NAV2: variants seen among roughly 807,000 people sequenced by gnomAD.
NAV2 encodes the protein neuron navigator 2.
In NAV2, 54 loss-of-function variants were observed where a neutral mutation model predicts 223.2. That is an observed-to-expected ratio of 0.24 (90% CI 0.19 to 0.30). NAV2 has a LOEUF of 0.30. Among genes scored for constraint, NAV2 ranks in the 10% least tolerant of loss-of-function variants. The probability of loss-of-function intolerance (pLI) is 1.00; values close to 1 mark genes in which losing one functional copy is unlikely to be tolerated. For missense variants in NAV2, 2,806 were observed against 3,147.5 expected, an observed-to-expected ratio of 0.89 and a Z score of 2.60; for synonymous variants, 1,279 against 1,239.3, an observed-to-expected ratio of 1.03 and a Z score of -0.67.
chr11:19,511,251 G>C (rs1300106120), intron 1 of NAV2: 1 of 152,234 alleles, frequency 6.6e-6, no homozygotes, highest in Non-Finnish European at 1.5e-5. Flanking sequence ...GACCTGCCTT[G>C]TCATCCCACA....
intron 1 of NAV2, among the ~76,000 whole-genome samples, chr11:19,473,954 G>A (rs1310146546): frequency 5.3e-5 from 8 of 152,292 alleles, no homozygotes; most frequent in East Asian, 3.9e-4. Flanking sequence ...CTGAAGGGTC[G>A]TTCTAGCTCC....
intron 1 of NAV2, among the ~76,000 whole-genome samples, chr11:19,794,046 T>A (rs2057731179): frequency 6.6e-6 from 1 of 152,214 alleles, no homozygotes; most frequent in African/African-American, 2.4e-5. Flanking sequence ...TACTTGTTTA[T>A]CATCTGCCTC....
intron 6 of NAV2, among the ~76,000 whole-genome samples, chr11:19,926,943 G>T (rs187989455): frequency 1.6e-4 from 24 of 152,252 alleles, no homozygotes; most frequent in Non-Finnish European, 1.5e-5. Context: ...GAGACCTGGG[G>T]CCAGTGTCCG....
intron 1 of NAV2, among the ~76,000 whole-genome samples, chr11:19,445,368 A>T (rs990513030): frequency 6.6e-6 from 1 of 152,078 alleles, no homozygotes; most frequent in Admixed American, 6.5e-5. Flanking sequence ...GTGAAGAAGG[A>T]GCTGAGGGAG....
At position 19,713,029 on chromosome 11, in the gene NAV2, G is replaced by A. The variant is rs373010988; in HGVS notation, c.-667G>A. On this transcript the variant is annotated 5_prime_UTR_variant, in exon 1 of 38. Transcript: ENST00000349880. This position sits in a 1 kb window ranked among gnomAD's most constrained non-coding sequence, Gnocchi z 7.2. ...GCGCTAAGGTGCTCTCAGTCCGGGG[G>A]CCTTCTGGGCAGCGGTGACTGTCAC... 3.3e-5 allele frequency among the ~76,000 whole-genome samples: 5 copies of A among 152,172 alleles called. No homozygotes were observed. The highest frequency in any genetic ancestry group is 3.9e-4 in the East Asian group (2 of 5,172).
chr11:19,965,333 A>C (rs2048682881), intron 10 of NAV2, among the ~76,000 whole-genome samples: 1 of 152,104 alleles, frequency 6.6e-6, no homozygotes, highest in Non-Finnish European at 1.5e-5. Context: ...ACATGTCTAA[A>C]ATGTAATCGC....
chr11:19,351,587 C>T (rs1853315541), intron 1 of NAV2, among the ~76,000 whole-genome samples: 1 of 152,062 alleles, frequency 6.6e-6, no homozygotes. Context: ...CTGTGTCTAC[C>T]AGTTAAAGTT....
chr11:20,068,117 C>A (rs941128102), intron 20 of NAV2, 69 bp from the exon 21 acceptor site: 1 of 1,350,206 alleles, frequency 7.4e-7, no homozygotes, highest in Admixed American at 1.7e-5. Context: ...ATATGGTGTT[C>A]CCGATGGGCT....
At chr11:19,475,097 C>T (rs575101736) in intron 1 of NAV2, among the ~76,000 whole-genome samples, 6 of 152,324 alleles carry the variant, frequency 3.9e-5, no homozygotes, top group Admixed American at 3.9e-4. Context: ...GGAGGTCTCT[C>T]CACTCCCTGG....
At chr11:20,002,620 G>A (rs904602231) in intron 11 of NAV2, among the ~76,000 whole-genome samples, 1 of 152,156 alleles carries the variant, frequency 6.6e-6, no homozygotes, top group African/African-American at 2.4e-5. Context: ...GTGCGGGAGG[G>A]ATGGAGAAAA....
intron 1 of NAV2, among the ~76,000 whole-genome samples, chr11:19,624,902 C>A (rs1210395000): frequency 6.6e-6 from 1 of 152,148 alleles, no homozygotes; most frequent in African/African-American, 2.4e-5. Context: ...GGAACCAGAT[C>A]TTTCAAAATA....
rs951588262 is a variant in NAV2, at chr11:19,713,802, C to T, written c.107C>T (p.Pro36Leu). The T allele has an allele frequency of 2.5e-6, 4 of 1,612,948 alleles. No homozygotes were observed. Among genetic ancestry groups the T allele is most frequent in the South Asian group, 2.2e-5 (2 of 90,966 alleles). Reference protein sequence around the residue: ...HVPPARAGPQPCYLKLGSKVE... With the variant: ...HVPPARAGPQLCYLKLGSKVE... ...CCCCCGGCCCGGGCGGGCCCCCAGCCCTGCTACCTGAAGTTGGGAAGCAAG... is the reference window on the plus strand; with the variant it reads ...CCCCCGGCCCGGGCGGGCCCCCAGCTCTGCTACCTGAAGTTGGGAAGCAAG... The change falls in exon 1 of 38, where the codon CCC becomes CTC. Residue 36 changes from proline to leucine, a missense_variant. By Grantham distance (98) the Pro-to-Leu change is moderately conservative (BLOSUM62 -3). Around this residue, in one of 4 missense-constraint regions of NAV2, gnomAD observed 1,167 missense variants for 1,180.5 expected, o/e 0.99. Transcript: ENST00000349880. This position sits in a 1 kb window ranked among gnomAD's most constrained non-coding sequence, Gnocchi z 7.2.
intron 1 of NAV2, among the ~76,000 whole-genome samples, chr11:19,478,226 A>C (rs2042175624): frequency 6.6e-6 from 1 of 152,172 alleles, no homozygotes; most frequent in Non-Finnish European, 1.5e-5. Flanking sequence ...GGTGAGATTC[A>C]AATATGGGCA....
chr11:19,350,386 A>G (rs1853243064), upstream of NAV2, among the ~76,000 whole-genome samples: 1 of 152,192 alleles, frequency 6.6e-6, no homozygotes, highest in Admixed American at 6.5e-5. Context: ...TGGGTCTTAC[A>G]CCATGAAGGA....
chr11:19,828,246 T>A (rs1838057), intron 1 of NAV2, among the ~76,000 whole-genome samples: 148,416 of 152,306 alleles, frequency 0.97, 72,410 homozygotes, highest in East Asian at 1. Context: ...AGTGGCATTA[T>A]GTACATTCAT....
chr11:19,646,467 G>A (rs2047819409), intron 1 of NAV2, among the ~76,000 whole-genome samples: 1 of 152,160 alleles, frequency 6.6e-6, no homozygotes, highest in Non-Finnish European at 1.5e-5. Flanking sequence ...GTATAGGCAA[G>A]CTCTGGGCAG....
chr11:19,617,413 T>G (rs2046830668), intron 1 of NAV2, among the ~76,000 whole-genome samples: 1 of 152,142 alleles, frequency 6.6e-6, no homozygotes, highest in South Asian at 2.1e-4. Context: ...TGTGGGTATA[T>G]CAGCTATTAA....
intron 1 of NAV2, among the ~76,000 whole-genome samples, chr11:19,644,076 A>G (rs918748318): frequency 1.8e-5 from 2 of 113,928 alleles, no homozygotes; most frequent in African/African-American, 5.4e-5. Context: ...GCGTGTGTGC[A>G]TGTGCACACA....
chr11:20,020,998 T>C (rs2584833), intron 11 of NAV2, among the ~76,000 whole-genome samples: 1,901 of 152,274 alleles, frequency 0.012, 41 homozygotes, highest in African/African-American at 0.043. Context: ...TATCCCCAGG[T>C]ATTCAGATAC....
Sources: gnomAD v4.1 joint callset for allele counts (sites outside exome capture counted in the v4.1 genomes callset) on GRCh38, gnomAD v4.1.1 for gene constraint, gnomAD v4.1.1 regional missense constraint, Gnocchi (gnomAD v3.1) non-coding constraint, MANE v1.5 for transcripts, NCBI Gene and HGNC (gene_info 2026-07-23, HGNC 2026-07-21) for gene names.